PALM2AKAP2: variants seen among roughly 807,000 people sequenced by gnomAD.
PALM2AKAP2 encodes the protein PALM2-AKAP2 fusion protein.
Under a neutral mutation model 71.5 loss-of-function variants are expected in PALM2AKAP2, and 37 were observed. The observed-to-expected ratio is 0.52, with a 90% CI of 0.40 to 0.68. PALM2AKAP2 has a LOEUF of 0.68. PALM2AKAP2 is among the 30% of genes least tolerant of loss of function. PALM2AKAP2 has a pLI of 0.00. For missense variants in PALM2AKAP2, 1,224 were observed against 1,191.8 expected, an observed-to-expected ratio of 1.03 and a Z score of -0.40; for synonymous variants, 468 against 478.8, an observed-to-expected ratio of 0.98 and a Z score of 0.29.
At chr9:109,780,382 C>T (rs963709021), upstream of PALM2AKAP2, 32 of 1,602,958 alleles carry the variant, frequency 2.0e-5, no homozygotes, top group Non-Finnish European at 2.7e-5. Flanking sequence ...CCTGGGCGTT[C>T]TCCCGGGTTC....
rs554471899 is a variant in PALM2AKAP2, at chr9:109,866,208, C to T, written c.46-1283C>T. Reference sequence around the variant, plus strand: ...AATAGCAATGGTACAATCATAGCCCCGGAAACATAGCGACTACATAAAATA... The same window carrying T: ...AATAGCAATGGTACAATCATAGCCCTGGAAACATAGCGACTACATAAAATA... On this transcript the variant is annotated intron_variant, in intron 1 of 9. Coordinates refer to the PALM2AKAP2 transcript ENST00000302798. Among the ~76,000 whole-genome samples the T allele has an allele frequency of 5.3e-5, 8 of 152,242 alleles. No individual in the cohort carries two copies. The South Asian group carries it at 1.0e-3, about 20-fold the overall frequency.
intron 3 of PALM2AKAP2, among the ~76,000 whole-genome samples, chr9:109,921,732 T>C (rs900797055): frequency 6.6e-6 from 1 of 152,152 alleles, no homozygotes; most frequent in Non-Finnish European, 1.5e-5. Flanking sequence ...GTGGCTCTAT[T>C]TGACTAATGC....
chr9:109,969,446 A>T (rs1335605499), intron 6 of PALM2AKAP2, among the ~76,000 whole-genome samples: 1 of 152,204 alleles, frequency 6.6e-6, no homozygotes, highest in Non-Finnish European at 1.5e-5. Context: ...CTTATGCAAG[A>T]AGTGCCACTT....
intron 3 of PALM2AKAP2, among the ~76,000 whole-genome samples, chr9:109,895,552 C>G (rs1316613464): frequency 1.3e-5 from 2 of 152,178 alleles, no homozygotes; most frequent in Admixed American, 1.3e-4. Flanking sequence ...TCGGTAAGAT[C>G]CACTGTGGTT....
intron 1 of PALM2AKAP2, among the ~76,000 whole-genome samples, chr9:109,721,006 T>C (rs1231004159): frequency 1.3e-5 from 2 of 152,214 alleles, no homozygotes; most frequent in African/African-American, 4.8e-5. Context: ...GAGCAGAATG[T>C]AGACAGGCTC....
intron 3 of PALM2AKAP2, among the ~76,000 whole-genome samples, chr9:109,891,485 T>TTG (rs55756726): frequency 0.043 from 6,475 of 151,306 alleles, 161 homozygotes; most frequent in Middle Eastern, 0.075. Flanking sequence ...ACTCATCATT[T>TTG]TGTGTGTGTG....
At chr9:109,982,608 A>G (rs924272532) in intron 6 of PALM2AKAP2, among the ~76,000 whole-genome samples, 3 of 152,230 alleles carry the variant, frequency 2.0e-5, no homozygotes. Flanking sequence ...TGTACCCACA[A>G]AAATTAAAAC....
intron 1 of PALM2AKAP2, among the ~76,000 whole-genome samples, chr9:109,715,553 G>T (rs1828305301): frequency 6.6e-6 from 1 of 152,126 alleles, no homozygotes; most frequent in Non-Finnish European, 1.5e-5. Context: ...CGCTCAGCCT[G>T]CTGTCCACTC....
chr9:109,853,901 AACTGGAGCTTCCT>A (rs1314752166), intron 1 of PALM2AKAP2, among the ~76,000 whole-genome samples: 3 of 152,094 alleles, frequency 2.0e-5, no homozygotes, highest in African/African-American at 7.2e-5. Context: ...TTCTTGCTTT[AACTGGAGCTTCCT>A]ACTGGAGCAT....
rs73657309 is a variant in PALM2AKAP2, at chr9:109,930,767, C to T, written c.395-1160C>T. On this transcript the variant is annotated intron_variant, in intron 5 of 9. Coordinates refer to the PALM2AKAP2 transcript ENST00000302798. ...GAGGAGGGGTCAGTGATGAGAAATGCGGAGGATTTTGAACAGAGGCAGAGG... is the reference window on the plus strand; with the variant it reads ...GAGGAGGGGTCAGTGATGAGAAATGTGGAGGATTTTGAACAGAGGCAGAGG... Among the ~76,000 whole-genome samples, 609 of 152,172 alleles carry T rather than the reference C, an allele frequency of 4.0e-3. 4 individuals carry two copies. Among genetic ancestry groups the T allele is most frequent in the African/African-American group, 0.012 (488 of 41,538 alleles).
chr9:109,660,223 T>A (rs905793471), intron 1 of PALM2AKAP2, among the ~76,000 whole-genome samples: 8 of 152,170 alleles, frequency 5.3e-5, no homozygotes, highest in Non-Finnish European at 8.8e-5. Flanking sequence ...ATACTTTAAG[T>A]TCTAGGGTAC....
chr9:110,083,342 A>G (rs1834490993), intron 1 of PALM2AKAP2, among the ~76,000 whole-genome samples: 1 of 152,110 alleles, frequency 6.6e-6, no homozygotes, highest in Admixed American at 6.6e-5. Context: ...GCATAAGTCT[A>G]TAAACACAAG....
At position 109,942,936 on chromosome 9, in the gene PALM2AKAP2, C is replaced by A. The variant is rs148645046; in HGVS notation, c.496+10908C>A. 9.9e-6 allele frequency: 16 copies of A among 1,614,004 alleles called. No homozygotes were observed. The African/African-American group carries it at 2.0e-4, about 20-fold the overall frequency. ...GACAATCAAGCTTAGGAGGAGGGCACGTGTCTGAAAGGACTGTGATTGCAG... is the reference window on the plus strand; with the variant it reads ...GACAATCAAGCTTAGGAGGAGGGCAAGTGTCTGAAAGGACTGTGATTGCAG... On this transcript the variant is annotated intron_variant, in intron 6 of 9. Coordinates refer to the PALM2AKAP2 transcript ENST00000302798.
intron 1 of PALM2AKAP2, among the ~76,000 whole-genome samples, chr9:109,652,369 C>T (rs937309770): frequency 6.6e-6 from 1 of 152,032 alleles, no homozygotes; most frequent in Non-Finnish European, 1.5e-5. Context: ...TTTAACAGAG[C>T]CTGGCACCTC....
exon 2 of PALM2AKAP2, chr9:110,138,004 T>C (rs777186192): frequency 9.3e-6 from 15 of 1,613,972 alleles, no homozygotes; most frequent in Non-Finnish European, 1.3e-5. Flanking sequence ...TGGATAAAGC[T>C]GTGTCCAAAA....
chr9:109,772,767 C>T (rs972191278), intron 1 of PALM2AKAP2, among the ~76,000 whole-genome samples: 28 of 152,288 alleles, frequency 1.8e-4, no homozygotes, highest in African/African-American at 6.5e-4. Flanking sequence ...CATATTTTAT[C>T]TTATGTGTTA....
At chr9:110,022,923 G>A (rs1833100241) in intron 7 of PALM2AKAP2, among the ~76,000 whole-genome samples, 1 of 152,080 alleles carries the variant, frequency 6.6e-6, no homozygotes, top group South Asian at 2.1e-4. Context: ...ATTTTTTATG[G>A]CTGCATAGTA....
At chr9:109,650,001 A>G (rs981761177) in intron 1 of PALM2AKAP2, among the ~76,000 whole-genome samples, 4 of 152,242 alleles carry the variant, frequency 2.6e-5, no homozygotes, top group Non-Finnish European at 4.4e-5. Context: ...CAAATCGACT[A>G]CAAAGGTAAT....
At chr9:109,804,841 G>A (rs1388068635) in intron 1 of PALM2AKAP2, among the ~76,000 whole-genome samples, 2 of 152,070 alleles carry the variant, frequency 1.3e-5, no homozygotes, top group Non-Finnish European at 2.9e-5. Context: ...GCCTGTCATG[G>A]GGCCTTACAC....
Sources: gnomAD v4.1 joint callset for allele counts (sites outside exome capture counted in the v4.1 genomes callset) on GRCh38, gnomAD v4.1.1 for gene constraint, MANE v1.5 for transcripts, NCBI Gene and HGNC (gene_info 2026-07-23, HGNC 2026-07-21) for gene names.